Variants in AGBL4 observed in about 807,000 individuals in gnomAD.
AGBL4 encodes the protein cytosolic carboxypeptidase 6.
Under a neutral mutation model 66.4 loss-of-function variants are expected in AGBL4, and 58 were observed. That is an observed-to-expected ratio of 0.87 (90% CI 0.71 to 1.09). AGBL4 has a LOEUF of 1.09. AGBL4 is among the 50% of genes least tolerant of loss of function. The pLI, the probability that AGBL4 is intolerant of heterozygous loss-of-function variation, is 0.00. For synonymous variants in AGBL4, 234 were observed against 222.9 expected (o/e 1.05, Z -0.44); for missense variants, 579 against 631.0 (o/e 0.92, Z 0.88).
intron 6 of AGBL4, among the ~76,000 whole-genome samples, chr1:48,703,423 A>G (rs1021171047): frequency 6.6e-6 from 1 of 152,210 alleles, no homozygotes; most frequent in Non-Finnish European, 1.5e-5. Context: ...GTCATAGATG[A>G]AGATAAGAAA....
intron 3 of AGBL4, among the ~76,000 whole-genome samples, chr1:49,382,902 G>A (rs1644653403): frequency 6.6e-6 from 1 of 152,170 alleles, no homozygotes; most frequent in Non-Finnish European, 1.5e-5. Context: ...CTACTTGGAA[G>A]GCTGATGTGG....
intron 3 of AGBL4, among the ~76,000 whole-genome samples, chr1:49,443,842 A>G (rs1197909463): frequency 6.6e-6 from 1 of 151,180 alleles, no homozygotes; most frequent in Non-Finnish European, 1.5e-5. Context: ...TAGCTCCTTG[A>G]GATGCATTAT....
At chr1:49,146,386 G>T (rs1027410517) in intron 4 of AGBL4, among the ~76,000 whole-genome samples, 2 of 151,694 alleles carry the variant, frequency 1.3e-5, no homozygotes, top group Non-Finnish European at 2.9e-5. Flanking sequence ...ATACCTACTA[G>T]ATATCTACAA....
At chr1:49,941,734 C>T (rs921170166) in intron 1 of AGBL4, among the ~76,000 whole-genome samples, 9 of 151,848 alleles carry the variant, frequency 5.9e-5, no homozygotes, top group African/African-American at 1.9e-4. Context: ...AAATAAACCT[C>T]AACATATTAA....
chr1:49,266,629 A>G (rs12091599), intron 3 of AGBL4, among the ~76,000 whole-genome samples: 3,041 of 151,486 alleles, frequency 0.02, 115 homozygotes, highest in African/African-American at 0.07. Flanking sequence ...ACACACACAC[A>G]CGCGAAGGTA....
intron 6 of AGBL4, among the ~76,000 whole-genome samples, chr1:48,673,598 T>A (rs951915534): frequency 4.6e-5 from 7 of 152,202 alleles, no homozygotes; most frequent in African/African-American, 1.7e-4. Flanking sequence ...TTTCTCTCTC[T>A]CAACATGACA....
chr1:49,088,440 G>A (rs1210845633), intron 4 of AGBL4, among the ~76,000 whole-genome samples: 3 of 152,096 alleles, frequency 2.0e-5, no homozygotes, highest in African/African-American at 7.2e-5. Context: ...AGCAGGAGGT[G>A]CTATTCTAAT....
At chr1:49,971,750 A>G (rs183368584) in intron 1 of AGBL4, among the ~76,000 whole-genome samples, 1 of 152,114 alleles carries the variant, frequency 6.6e-6, no homozygotes, top group East Asian at 1.9e-4. Flanking sequence ...TGATGGCAAC[A>G]TGTGGCATCA....
Position 49,193,648 on chromosome 1 carries a change from G to A in AGBL4, c.377+52122C>T, listed in dbSNP as rs887072540. 5.9e-5 allele frequency among the ~76,000 whole-genome samples: 9 copies of A among 151,294 alleles called. No individual in the cohort carries two copies. In the East Asian group the frequency reaches 7.8e-4, roughly 13 times the overall value. On this transcript the variant is annotated intron_variant, in intron 4 of 13. Coordinates refer to ENST00000371839, the MANE Select transcript of AGBL4 (RefSeq NM_032785.4). ...GTTCATGCCATTCTCTTGCCTCAGC[G>A]TCCAGAGTAGCTGGGACTACAGGTG...
At chr1:48,733,907 C>T (rs1194207136) in intron 6 of AGBL4, among the ~76,000 whole-genome samples, 2 of 152,154 alleles carry the variant, frequency 1.3e-5, no homozygotes, top group African/African-American at 4.8e-5. Flanking sequence ...ATACAGTCCC[C>T]AGATCCCTGA....
At chr1:49,251,125 C>T (rs902384855) in intron 3 of AGBL4, among the ~76,000 whole-genome samples, 3 of 152,156 alleles carry the variant, frequency 2.0e-5, no homozygotes, top group Non-Finnish European at 4.4e-5. Context: ...GCTTACAGGA[C>T]AGTCTTGGGT....
chr1:49,084,327 A>G lies in AGBL4; in HGVS notation c.378-38527T>C, dbSNP rs181339871. Among the ~76,000 whole-genome samples the G allele has an allele frequency of 1.6e-3, 239 of 152,290 alleles. 4 individuals carry two copies. The highest frequency in any genetic ancestry group is 5.6e-3 in the African/African-American group (232 of 41,560). Reference sequence around the variant, plus strand: ...CAATTTACTGTATTATTTCACTCTCATGGTGCTAATAAAGACAAGCCTGAG... The same window carrying G: ...CAATTTACTGTATTATTTCACTCTCGTGGTGCTAATAAAGACAAGCCTGAG... On this transcript the variant is annotated intron_variant, in intron 4 of 13. Coordinates refer to ENST00000371839, the MANE Select transcript of AGBL4 (RefSeq NM_032785.4).
intron 4 of AGBL4, among the ~76,000 whole-genome samples, chr1:49,083,051 G>A (rs1261797609): frequency 6.6e-6 from 1 of 152,228 alleles, no homozygotes; most frequent in Non-Finnish European, 1.5e-5. Context: ...GATGCAAGAG[G>A]TGGATTCTCA....
chr1:49,532,392 G>A (rs1250112581), intron 3 of AGBL4, among the ~76,000 whole-genome samples: 3 of 152,032 alleles, frequency 2.0e-5, no homozygotes, highest in Admixed American at 6.6e-5. Flanking sequence ...TGATAACAAA[G>A]CTCATACTCT....
chr1:49,349,637 C>T (rs1335855065), intron 3 of AGBL4, among the ~76,000 whole-genome samples: 1 of 152,092 alleles, frequency 6.6e-6, no homozygotes, highest in African/African-American at 2.4e-5. Context: ...TATTTGTGTA[C>T]TTTTTGGATA....
intron 11 of AGBL4, among the ~76,000 whole-genome samples, chr1:48,579,144 T>C (rs566389666): frequency 2.6e-5 from 4 of 152,306 alleles, no homozygotes; most frequent in Admixed American, 1.3e-4. Context: ...GAGCTCAAAA[T>C]ATCCCCCTCT....
chr1:49,531,895 C>T lies in AGBL4; in HGVS notation c.282+165418G>A, dbSNP rs941254846. On this transcript the variant is annotated intron_variant, in intron 3 of 13. Transcript: ENST00000371839. ...ACATAAAAACACAATTTCATAATAT[C>T]CTCAAAAGAAAACTATACACATATG... Among the ~76,000 whole-genome samples the T allele has an allele frequency of 5.3e-5, 8 of 152,164 alleles. No homozygotes were observed. In the South Asian group the frequency reaches 1.7e-3, roughly 32 times the overall value.
intron 6 of AGBL4, among the ~76,000 whole-genome samples, chr1:48,692,283 A>T (rs950670670): frequency 6.6e-6 from 1 of 152,310 alleles, no homozygotes; most frequent in Admixed American, 6.5e-5. Context: ...TCTAGCCAGG[A>T]GTCCAGTTAA....
At chr1:50,022,376 C>T (rs1252834640) in intron 1 of AGBL4, among the ~76,000 whole-genome samples, 1 of 152,056 alleles carries the variant, frequency 6.6e-6, no homozygotes, top group Non-Finnish European at 1.5e-5. Flanking sequence ...TATTGCCAGG[C>T]ATATAGTTAG....
Sources: allele counts gnomAD v4.1 joint callset (sites outside exome capture counted in the v4.1 genomes callset), GRCh38; gene constraint gnomAD v4.1.1; transcripts MANE v1.5; gene names NCBI Gene and HGNC (gene_info 2026-07-23, HGNC 2026-07-21).